The following DLG2 variants were observed in gnomAD, a reference collection of about 807,000 sequenced individuals.
The protein encoded by DLG2 is discs large MAGUK scaffold protein 2, also known as disks large homolog 2.
Under a neutral mutation model 132.5 loss-of-function variants are expected in DLG2, and 45 were observed. The observed-to-expected ratio is 0.34, with a 90% CI of 0.27 to 0.44. The LOEUF (loss-of-function observed/expected upper bound fraction) is 0.44, where lower values mean the gene tolerates loss of function less well. DLG2 is among the 20% of genes least tolerant of loss of function. The pLI is 1.00. For synonymous variants in DLG2, 424 were observed against 419.6 expected, an observed-to-expected ratio of 1.01 and a Z score of -0.13; for missense variants, 1,045 against 1,196.9, an observed-to-expected ratio of 0.87 and a Z score of 1.87.
At chr11:84,547,192 T>C (rs1214019778) in intron 6 of DLG2, among the ~76,000 whole-genome samples, 1 of 152,210 alleles carries the variant, frequency 6.6e-6, no homozygotes, top group Non-Finnish European at 1.5e-5. Flanking sequence ...GTAGAAGTTA[T>C]GATTGTTTTA....
At chr11:84,686,255 C>T (rs1451470968) in intron 6 of DLG2, among the ~76,000 whole-genome samples, 1 of 152,158 alleles carries the variant, frequency 6.6e-6, no homozygotes, top group Non-Finnish European at 1.5e-5. Context: ...CTGTCAAATC[C>T]ATGTCTCCTG....
chr11:83,870,694 T>C (rs918654983), intron 16 of DLG2, among the ~76,000 whole-genome samples: 1 of 152,200 alleles, frequency 6.6e-6, no homozygotes, highest in East Asian at 1.9e-4. Flanking sequence ...AAGCTTCTTT[T>C]TTTTGGTATT....
intron 6 of DLG2, among the ~76,000 whole-genome samples, chr11:84,741,491 A>ACACCAC (rs896260940): frequency 2.6e-5 from 4 of 151,206 alleles, no homozygotes; most frequent in Admixed American, 6.6e-5. Flanking sequence ...TGGCAAAGTC[A>ACACCAC]CACCACCACC....
chr11:83,627,670 A>T (rs2062828870), intron 19 of DLG2, among the ~76,000 whole-genome samples: 1 of 152,178 alleles, frequency 6.6e-6, no homozygotes, highest in African/African-American at 2.4e-5. Context: ...GCCGCAATAA[A>T]CATGCGTGTG....
chr11:84,783,399 C>T (rs2072192198), intron 6 of DLG2, among the ~76,000 whole-genome samples: 1 of 152,180 alleles, frequency 6.6e-6, no homozygotes, highest in Non-Finnish European at 1.5e-5. Flanking sequence ...TTCATTCCTA[C>T]TCTGAATCCT....
At chr11:84,447,912 A>G (rs1455047772) in intron 7 of DLG2, among the ~76,000 whole-genome samples, 1 of 152,146 alleles carries the variant, frequency 6.6e-6, no homozygotes, top group African/African-American at 2.4e-5. Flanking sequence ...GCTCCTCACG[A>G]GCAATGTAGA....
At chr11:84,239,793 T>A (rs1334467716) in intron 8 of DLG2, among the ~76,000 whole-genome samples, 1 of 152,216 alleles carries the variant, frequency 6.6e-6, no homozygotes, top group Non-Finnish European at 1.5e-5. Flanking sequence ...GTTTTATATA[T>A]AAAATGTTGA....
intron 3 of DLG2, among the ~76,000 whole-genome samples, chr11:85,402,862 G>A (rs2088292078): frequency 6.6e-6 from 1 of 152,054 alleles, no homozygotes; most frequent in Non-Finnish European, 1.5e-5. Flanking sequence ...GAGAGGATGT[G>A]GAAAAATAGG....
At chr11:83,792,843 T>C (rs931787800) in intron 17 of DLG2, among the ~76,000 whole-genome samples, 2 of 152,146 alleles carry the variant, frequency 1.3e-5, no homozygotes, top group African/African-American at 4.8e-5. Context: ...GATATGAATG[T>C]CAAATTTTGA....
chr11:84,795,097 C>T, intron 6 of DLG2, among the ~76,000 whole-genome samples: 1 of 152,222 alleles, frequency 6.6e-6, no homozygotes, highest in East Asian at 1.9e-4. Flanking sequence ...TTTCCCACCC[C>T]ACCCATCACT....
At chr11:83,840,706 C>T (rs1475463088) in intron 16 of DLG2, among the ~76,000 whole-genome samples, 2 of 152,130 alleles carry the variant, frequency 1.3e-5, no homozygotes, top group Non-Finnish European at 2.9e-5. Context: ...AAGGTAAAAG[C>T]ATGGTGCAGG....
rs1566833454 is a variant in DLG2, at chr11:83,753,884, C to CATATATCATATATGAT, written c.1825+32805_1825+32806insATCATATATGATATAT. Among the ~76,000 whole-genome samples the CATATATCATATATGAT allele has an allele frequency of 5.3e-4, 10 of 18,756 alleles. No homozygotes were observed. The African/African-American group carries it at 7.3e-3, about 14-fold the overall frequency. The allele number at this position is 18,756 out of a possible 152,430, so 12.3% of individuals were successfully genotyped here. A position where few individuals can be genotyped will look rare whatever the true frequency, so the allele number is the denominator to read the frequency against. ...TATATTTCATATATATGATATATAT[C>CATATATCATATATGAT]ATATATATCATATATATATTTCATA... On this transcript the variant is annotated intron_variant, in intron 18 of 27. Transcript: ENST00000376104.
intron 7 of DLG2, among the ~76,000 whole-genome samples, chr11:84,451,084 A>AG (rs1388375477): frequency 1.4e-4 from 21 of 151,882 alleles, no homozygotes; most frequent in African/African-American, 4.8e-4. Flanking sequence ...TTATAGGCTG[A>AG]GAAAAAAAAG....
intron 11 of DLG2, among the ~76,000 whole-genome samples, chr11:84,037,125 T>A (rs2095888169): frequency 6.6e-6 from 1 of 152,146 alleles, no homozygotes. Context: ...ACAGGTAATA[T>A]ACCTAAAAGA....
At chr11:83,696,016 C>T (rs539989479) in intron 18 of DLG2, among the ~76,000 whole-genome samples, 3 of 152,278 alleles carry the variant, frequency 2.0e-5, no homozygotes, top group African/African-American at 4.8e-5. Flanking sequence ...GGGACTCCAT[C>T]CCATAGGCCA....
At chr11:85,384,166 T>A (rs2086132551) in intron 3 of DLG2, among the ~76,000 whole-genome samples, 1 of 152,192 alleles carries the variant, frequency 6.6e-6, no homozygotes, top group South Asian at 2.1e-4. Flanking sequence ...GGTACATCAG[T>A]TCTAATCCTC....
intron 8 of DLG2, among the ~76,000 whole-genome samples, chr11:84,238,161 C>T (rs926671028): frequency 6.6e-6 from 1 of 151,422 alleles, no homozygotes; most frequent in African/African-American, 2.4e-5. Context: ...GAGAAAAATA[C>T]CTATAGTTAT....
At chr11:83,508,233 T>C (rs1420112561) in intron 21 of DLG2, among the ~76,000 whole-genome samples, 3 of 151,522 alleles carry the variant, frequency 2.0e-5, no homozygotes, top group East Asian at 3.9e-4. Context: ...TTTTCCCATT[T>C]AGAATATACA....
intron 19 of DLG2, among the ~76,000 whole-genome samples, chr11:83,548,562 GCAA>G (rs201118897): frequency 7.2e-5 from 11 of 151,812 alleles, no homozygotes; most frequent in South Asian, 2.1e-4. Context: ...CAACTACTCA[GCAA>G]CAACAACAAC....
Sources: gnomAD v4.1 joint callset for allele counts (sites outside exome capture counted in the v4.1 genomes callset) on GRCh38, gnomAD v4.1.1 for gene constraint, MANE v1.5 for transcripts, NCBI Gene and HGNC (gene_info 2026-07-23, HGNC 2026-07-21) for gene names.